The following NLRP2 variants were observed in gnomAD, a reference collection of about 807,000 sequenced individuals.
NLRP2 encodes the protein NLR family pyrin domain containing 2.
A neutral mutation model predicts 97.2 loss-of-function variants in NLRP2; 107 were observed. The ratio of observed to expected loss-of-function variants is 1.10; its 90% CI spans 0.94 to 1.29. The LOEUF (loss-of-function observed/expected upper bound fraction) is 1.29. NLRP2 is among the 50% of genes most tolerant of loss of function. The pLI is 0.00. For synonymous variants in NLRP2, 663 were observed against 551.5 expected (o/e 1.20, Z -2.83); for missense variants, 1,495 against 1,330.3 (o/e 1.12, Z -1.93).
chr19:54,974,778 T>C (rs989225710), intron 3 of NLRP2, among the ~76,000 whole-genome samples: 56 of 152,126 alleles, frequency 3.7e-4, no homozygotes, highest in African/African-American at 1.2e-3. Context: ...AGGGTAAGCT[T>C]GGCCTTTGAA....
At chr19:54,966,685 A>G (rs1448984150) in intron 1 of NLRP2, among the ~76,000 whole-genome samples, 4 of 151,822 alleles carry the variant, frequency 2.6e-5, no homozygotes, top group Middle Eastern at 6.8e-3. Context: ...AGCTGAGACT[A>G]CAGGCACCTG....
intron 8 of NLRP2, among the ~76,000 whole-genome samples, chr19:54,987,481 G>C (rs2072171277): frequency 6.6e-6 from 1 of 152,190 alleles, no homozygotes; most frequent in Admixed American, 6.5e-5. Context: ...CCCTGGGCCA[G>C]GCGCAGTGGC....
chr19:54,985,014 A>G (rs757508841), intron 6 of NLRP2, 33 bp from the exon 7 acceptor site: 1 of 1,610,662 alleles, frequency 6.2e-7, no homozygotes, highest in Non-Finnish European at 8.5e-7. Flanking sequence ...ATGGACACAC[A>G]TTTGGTGTAA....
At chr19:54,998,985 A>AATTTTTCTT (rs2073022931) in intron 12 of NLRP2, among the ~76,000 whole-genome samples, 1 of 150,286 alleles carries the variant, frequency 6.7e-6, no homozygotes, top group Non-Finnish European at 1.5e-5. Flanking sequence ...AAGGCAGAAG[A>AATTTTTCTT]ATTTTTCTTA....
intron 6 of NLRP2, among the ~76,000 whole-genome samples, chr19:54,984,552 G>C (rs896497472): frequency 5.9e-5 from 8 of 136,186 alleles, no homozygotes; most frequent in Admixed American, 5.7e-4. Context: ...GCTCGATCTC[G>C]GCTCACTGCA....
intron 2 of NLRP2, chr19:54,973,777 A>G (rs1161251592): frequency 1.6e-5 from 9 of 558,578 alleles, no homozygotes; most frequent in Non-Finnish European, 2.8e-5. Flanking sequence ...TCTGAAAAAG[A>G]TACAAATTTT....
chr19:54,989,165 C>T (rs375975088), intron 8 of NLRP2, among the ~76,000 whole-genome samples: 20 of 148,240 alleles, frequency 1.3e-4, no homozygotes, highest in African/African-American at 4.7e-4. Context: ...ACCATGTTGG[C>T]CAGGATGGTC....
In NLRP2 at chr19:54,981,658, G is replaced by T; in HGVS notation, c.439G>T (p.Glu147Ter). Residue 147 changes from glutamate to a stop codon, truncating the protein, a stop_gained, in exon 5 of 13, where the codon GAA becomes TAA. Transcript: ENST00000448584. LOFTEE classifies it high-confidence loss of function. ...AGGAAATGTCATCTGCCTGGGTAAA[G>T]AAGTCTTTAAAGGAAAAAAGCCAGG... is the stretch of plus-strand genomic sequence containing the variant. ...TKGNVICLGK[E>*]VFKGKKPDKD... The T allele has an allele frequency of 6.3e-7, 1 of 1,594,942 alleles. No individual in the cohort carries two copies. Among genetic ancestry groups the T allele is most frequent in the Non-Finnish European group, 8.6e-7 (1 of 1,162,618 alleles).
At chr19:54,995,214 T>C (rs1353374626) in intron 11 of NLRP2, among the ~76,000 whole-genome samples, 2 of 125,210 alleles carry the variant, frequency 1.6e-5, no homozygotes, top group Admixed American at 1.8e-4. Flanking sequence ...TTTTTTGAGA[T>C]AGTTTCACTC....
At chr19:54,984,329 G>GTTT (rs200366059) in intron 6 of NLRP2, among the ~76,000 whole-genome samples, 3,370 of 79,600 alleles carry the variant, frequency 0.042, 178 homozygotes, top group Non-Finnish European at 0.054. Context: ...TTTTTTTTGT[G>GTTT]TTTTTTTTTT....
At chr19:54,993,867 C>G in intron 10 of NLRP2, 3 of 301,964 alleles carry the variant, frequency 9.9e-6, no homozygotes, top group Non-Finnish European at 1.3e-5. Flanking sequence ...TGTTGGCCAC[C>G]TGCATTCCTT....
intron 2 of NLRP2, among the ~76,000 whole-genome samples, chr19:54,973,016 C>G (rs2070964570): frequency 1.3e-5 from 2 of 151,906 alleles, no homozygotes; most frequent in South Asian, 2.1e-4. Context: ...TGGTGAAACC[C>G]TGTCTCTACT....
chr19:54,997,185 G>A lies in NLRP2; in HGVS notation c.2880-132G>A, dbSNP rs3786863. On this transcript the variant is annotated intron_variant, in intron 11 of 12. Transcript: ENST00000448584. ...CTCCCAAAGTGCTGGGATTACAGGCGTGAACCACCGTGCCCGGCCTGAGAC... is the reference window on the plus strand; with the variant it reads ...CTCCCAAAGTGCTGGGATTACAGGCATGAACCACCGTGCCCGGCCTGAGAC... The A allele has an allele frequency of 2.9e-3, 2,679 of 915,304 alleles. 37 individuals carry two copies. The East Asian group carries it at 0.031, about 10-fold the overall frequency. 56.7% of individuals were successfully genotyped at this position (915,304 alleles called of 1,614,324 possible). A position where few individuals can be genotyped will look rare whatever the true frequency, so the allele number is the denominator to read the frequency against.
At chr19:54,977,449 T>C (rs2071308896) in intron 3 of NLRP2, among the ~76,000 whole-genome samples, 1 of 150,928 alleles carries the variant, frequency 6.6e-6, no homozygotes, top group Non-Finnish European at 1.5e-5. Flanking sequence ...AGGCAGTTAA[T>C]CCTCAAAGCC....
chr19:54,980,667 T>C (rs2071515206), intron 4 of NLRP2, among the ~76,000 whole-genome samples: 1 of 152,226 alleles, frequency 6.6e-6, no homozygotes. Flanking sequence ...GGCTGATTGA[T>C]AATGTCAACA....
intron 11 of NLRP2, among the ~76,000 whole-genome samples, chr19:54,994,965 A>G (rs2072724679): frequency 6.6e-6 from 1 of 151,624 alleles, no homozygotes; most frequent in African/African-American, 2.4e-5. Context: ...TTTTAAGGAT[A>G]CAGTGCCTCA....
chr19:54,986,903 G>C (rs1193229611), intron 8 of NLRP2, among the ~76,000 whole-genome samples: 1 of 150,406 alleles, frequency 6.6e-6, no homozygotes, highest in East Asian at 2.0e-4. Flanking sequence ...TTTTCTTTTT[G>C]AGATGGAGTC....
At chr19:54,966,574 C>G (rs2070428669) in intron 1 of NLRP2, 107 bp downstream of exon 1, 1 of 152,138 alleles carries the variant, frequency 6.6e-6, no homozygotes, top group Admixed American at 6.6e-5. Context: ...GAGACGGAGT[C>G]TCGCTCTGTC....
chr19:55,000,258 CAG>C (rs1489315174), intron 12 of NLRP2, among the ~76,000 whole-genome samples: 1 of 120,184 alleles, frequency 8.3e-6, no homozygotes, highest in African/African-American at 3.2e-5. Flanking sequence ...GCTTGGGCAA[CAG>C]AGAGACTGTC....
Sources: gnomAD v4.1 joint callset for allele counts (sites outside exome capture counted in the v4.1 genomes callset) on GRCh38, gnomAD v4.1.1 for gene constraint, MANE v1.5 for transcripts, NCBI Gene and HGNC (gene_info 2026-07-23, HGNC 2026-07-21) for gene names.